The following PAM variants were observed in gnomAD, a reference collection of about 807,000 sequenced individuals.
PAM encodes the protein peptidylglycine alpha-amidating monooxygenase.
A neutral mutation model predicts 122.1 loss-of-function variants in PAM; 72 were observed. That is an observed-to-expected ratio of 0.59 (90% CI 0.49 to 0.72). The LOEUF (loss-of-function observed/expected upper bound fraction) is 0.72. Among genes scored for constraint, PAM ranks in the 30% least tolerant of loss-of-function variants. PAM has a pLI of 0.00. For synonymous variants in PAM, 389 were observed against 404.4 expected (o/e 0.96, Z 0.46); for missense variants, 1,106 against 1,183.7 (o/e 0.93, Z 0.96).
rs1376411329 is a variant in PAM, at chr5:103,029,112, G to A, written c.*47G>A. ...TGAGTAAGATTTACCCAGAATGTCA[G>A]ATTCCTTTCCCTTTAGCACGTTTAA... On this transcript the variant is annotated 3_prime_UTR_variant, in exon 26 of 26. Coordinates refer to ENST00000438793, the MANE Select transcript of PAM (RefSeq NM_001177306.2). 3.4e-6 allele frequency: 5 copies of A among 1,486,736 alleles called. No individual in the cohort carries two copies. The highest frequency in any genetic ancestry group is 4.6e-6 in the Non-Finnish European group (5 of 1,085,242). The allele number at this position is 1,486,736 out of a possible 1,614,324, so 92.1% of individuals were successfully genotyped here.
chr5:102,947,070 C>G (rs997006151), intron 8 of PAM, among the ~76,000 whole-genome samples, 185 bp downstream of exon 8: 1 of 152,200 alleles, frequency 6.6e-6, no homozygotes, highest in South Asian at 2.1e-4. Context: ...GATCCTCAGG[C>G]ATGTGTTCTC....
chr5:102,904,627 A>T (rs73774901), intron 4 of PAM, among the ~76,000 whole-genome samples: 23 of 151,736 alleles, frequency 1.5e-4, no homozygotes, highest in African/African-American at 4.6e-4. Context: ...GTGAAGTATG[A>T]TGCCTGTTTA....
intron 3 of PAM, among the ~76,000 whole-genome samples, chr5:102,870,611 T>C (rs1787113146): frequency 6.6e-6 from 1 of 152,264 alleles, no homozygotes. Context: ...GTAAGCTTAT[T>C]CTGTCTCTTC....
chr5:102,929,604 T>C (rs1028865561), intron 7 of PAM, among the ~76,000 whole-genome samples: 1 of 152,120 alleles, frequency 6.6e-6, no homozygotes, highest in Non-Finnish European at 1.5e-5. Context: ...GGCTTAAGGG[T>C]ATGAGCATTT....
chr5:102,969,670 C>T (rs917597101), intron 14 of PAM, among the ~76,000 whole-genome samples: 2 of 152,106 alleles, frequency 1.3e-5, no homozygotes, highest in African/African-American at 2.4e-5. Context: ...CTAAGAGAGA[C>T]ACTATTAAAA....
intron 6 of PAM, among the ~76,000 whole-genome samples, chr5:102,926,015 T>C (rs748126401): frequency 1.3e-5 from 2 of 152,166 alleles, no homozygotes; most frequent in Non-Finnish European, 2.9e-5. Flanking sequence ...CTAAGAGGTC[T>C]ATTTCCTATA....
At chr5:102,902,918 T>G (rs1798416695) in intron 4 of PAM, among the ~76,000 whole-genome samples, 1 of 151,498 alleles carries the variant, frequency 6.6e-6, no homozygotes, top group Admixed American at 6.6e-5. Context: ...TTAGAACCAG[T>G]GACTGTAAGG....
Position 102,911,664 on chromosome 5 carries a change from T to C in PAM, c.269-2270T>C, listed in dbSNP as rs1024561491. On this transcript the variant is annotated intron_variant, in intron 4 of 25. Transcript: ENST00000438793. ...CTAATGAAAAGCTACAGAGATTATA[T>C]GTTGTTGTCTTTATGATCTATTCCC... Among the ~76,000 whole-genome samples, 5 of 152,126 alleles carry C rather than the reference T, an allele frequency of 3.3e-5. No individual in the cohort carries two copies. In the East Asian group the frequency reaches 9.7e-4, roughly 29 times the overall value.
intron 14 of PAM, among the ~76,000 whole-genome samples, chr5:102,964,534 G>A (rs1362154739): frequency 6.6e-6 from 1 of 151,788 alleles, no homozygotes; most frequent in Non-Finnish European, 1.5e-5. Context: ...ACATTTTAAT[G>A]AGGCTTTAAT....
rs745870135 is a variant in PAM, at chr5:102,959,854, A to G, written c.906-21A>G. 1.3e-5 allele frequency: 20 copies of G among 1,571,644 alleles called. No homozygotes were observed. The African/African-American group carries it at 2.3e-4, about 18-fold the overall frequency. On this transcript the variant is annotated intron_variant, in intron 12 of 25. Transcript: ENST00000438793. ...GTTTTATGTGAATAGTTGATTTGTT[A>G]TATCTTTTTTTTGCCTGCAGTGGCA... is the stretch of plus-strand genomic sequence containing the variant.
At chr5:103,021,280 A>G (rs1347830656) in intron 23 of PAM, among the ~76,000 whole-genome samples, 4 of 152,076 alleles carry the variant, frequency 2.6e-5, no homozygotes, top group African/African-American at 9.7e-5. Context: ...AGAGACTGAT[A>G]CCACCAATTC....
In PAM at chr5:102,842,205, A is replaced by T. The variant is rs1488990418; in HGVS notation, c.-373-23618A>T. On this transcript the variant is annotated intron_variant, in intron 1 of 25. Coordinates refer to ENST00000438793, the MANE Select transcript of PAM (RefSeq NM_001177306.2). ...TTTAACTTTACAAAAATACAACCTA[A>T]ATATATATATATATATATATATCTC... Among the ~76,000 whole-genome samples the T allele has an allele frequency of 2.8e-5, 4 of 143,062 alleles. No individual in the cohort carries two copies. In the South Asian group the frequency reaches 6.6e-4, roughly 23 times the overall value. The allele number at this position is 143,062 out of a possible 152,430, so 93.9% of individuals were successfully genotyped here.
chr5:102,990,199 G>A, intron 15 of PAM, 73 bp from the exon 16 acceptor site: 2 of 1,155,156 alleles, frequency 1.7e-6, no homozygotes, highest in Non-Finnish European at 2.4e-6. Context: ...TGAGCTTCTT[G>A]TAACTATTAT....
chr5:102,900,126 G>A lies in PAM; in HGVS notation c.211-1230G>A, dbSNP rs1223377994. On this transcript the variant is annotated intron_variant, in intron 3 of 25. Coordinates refer to ENST00000438793, the MANE Select transcript of PAM (RefSeq NM_001177306.2). The stretch of plus-strand genomic sequence containing the variant: ...GGTTTATGCTTGTTACCAGGTTTTG[G>A]CTAGAACAAATAATAAAATCTCCTG... 2.4e-4 allele frequency among the ~76,000 whole-genome samples: 36 copies of A among 151,326 alleles called. No homozygotes were observed. The Middle Eastern group carries it at 0.01, about 43-fold the overall frequency.
intron 4 of PAM, among the ~76,000 whole-genome samples, chr5:102,911,569 A>G (rs1296108250): frequency 6.6e-6 from 1 of 151,928 alleles, no homozygotes. Context: ...TGCCCAGTTT[A>G]CTTTACAAAG....
intron 1 of PAM, among the ~76,000 whole-genome samples, chr5:102,769,198 C>T (rs1329182540): frequency 1.3e-5 from 2 of 151,814 alleles, no homozygotes; most frequent in East Asian, 3.9e-4. Context: ...ACTGGATTAT[C>T]AGATTTTTTT....
chr5:102,871,397 G>A (rs1787397454), intron 3 of PAM, among the ~76,000 whole-genome samples: 1 of 152,086 alleles, frequency 6.6e-6, no homozygotes, highest in South Asian at 2.1e-4. Flanking sequence ...TGGCTTCATG[G>A]AGAAGCTAAG....
At chr5:103,005,374 G>C (rs746957101) in intron 18 of PAM, 148 bp downstream of exon 18, 37 of 628,152 alleles carry the variant, frequency 5.9e-5, no homozygotes, top group Non-Finnish European at 9.8e-5. Flanking sequence ...CCATGTCTTA[G>C]TTCAGCATGT....
Position 103,009,777 on chromosome 5 carries a change from C to G in PAM, c.2242C>G (p.Pro748Ala), listed in dbSNP as rs1780079440. ...PGLLFAVNGK[P>A]HFGDQEPVQG... is the part of the protein sequence containing the mutation. ...CTTGCTCTTTGCAGTGAATGGGAAGCCTCATTTTGGGGACCAAGAACCTGT... is the reference window on the plus strand; with the variant it reads ...CTTGCTCTTTGCAGTGAATGGGAAGGCTCATTTTGGGGACCAAGAACCTGT... Residue 748 changes from proline (P) to alanine (A), a missense_variant, in exon 21 of 26, where the codon CCT (proline) becomes GCT (alanine). Pro to Ala is a conservative substitution (Grantham distance 27, BLOSUM62 -1). This residue lies in a region of PAM where 333 missense variants were observed against 335.6 expected (regional missense o/e 0.99). Transcript: ENST00000438793. 1 of 1,610,480 alleles carries G rather than the reference C, an allele frequency of 6.2e-7. No homozygotes were observed. Among genetic ancestry groups the G allele is most frequent in the African/African-American group, 1.3e-5 (1 of 74,824 alleles).
Sources: allele counts gnomAD v4.1 joint callset (sites outside exome capture counted in the v4.1 genomes callset), GRCh38; gene constraint gnomAD v4.1.1; regional missense constraint gnomAD v4.1.1; transcripts MANE v1.5; gene names NCBI Gene and HGNC (gene_info 2026-07-23, HGNC 2026-07-21).